DBN1: variants seen among roughly 807,000 people sequenced by gnomAD.
The protein encoded by DBN1 is drebrin.
In DBN1, 21 loss-of-function variants were observed where a neutral mutation model predicts 83.5. The observed-to-expected ratio is 0.25, with a 90% CI of 0.18 to 0.36. The LOEUF (loss-of-function observed/expected upper bound fraction) is 0.36, where lower values mean the gene tolerates loss of function less well. Ranked by LOEUF, DBN1 falls within the 10% of genes least tolerant of loss-of-function variation. The pLI is 1.00. For missense variants in DBN1, 874 were observed against 935.7 expected, an observed-to-expected ratio of 0.93 and a Z score of 0.86; for synonymous variants, 381 against 384.9, an observed-to-expected ratio of 0.99 and a Z score of 0.12.
At position 177,466,907 on chromosome 5, in the gene DBN1, T is replaced by A. The variant is rs766669583; in HGVS notation, c.707+4A>T. On this transcript the variant is annotated splice_donor_region_variant and intron_variant, in intron 7 of 14. Transcript: ENST00000393565. The surrounding 1 kb of genome is among the most constrained non-coding windows in gnomAD (Gnocchi z 4.8). ...CCTGGAGCGCTCCGGGCGGGCAGGC[T>A]CACCTGTGCTCCTCGATCTGCTGCT... 13 of 1,612,946 alleles carry A rather than the reference T, an allele frequency of 8.1e-6. No individual in the cohort carries two copies. Among genetic ancestry groups the A allele is most frequent in the Non-Finnish European group, 1.0e-5 (12 of 1,179,698 alleles).
At chr5:177,469,050 C>G (rs1464088829) in intron 1 of DBN1, 151 bp from the exon 2 acceptor site, 11 of 472,386 alleles carry the variant, frequency 2.3e-5, no homozygotes, top group Non-Finnish European at 4.1e-5. Flanking sequence ...GGCCAGGCAT[C>G]GGTTCAGGCG....
intron 8 of DBN1, chr5:177,462,551 A>G (rs1757127878): frequency 3.1e-6 from 1 of 317,738 alleles, no homozygotes; most frequent in East Asian, 1.7e-4. Context: ...GCAACGCAGG[A>G]TGAGGACCGG....
Position 177,468,181 on chromosome 5 carries a change from T to C in DBN1, c.182A>G (p.Gln61Arg), listed in dbSNP as rs747789546. 1.5e-5 allele frequency: 25 copies of C among 1,614,090 alleles called. No homozygotes were observed. Among genetic ancestry groups the C allele is most frequent in the Non-Finnish European group, 4.2e-6 (5 of 1,180,042 alleles). ...LQELSGHFEN[Q>R]KVMYGFCSVK... ...ACTGCAGAAGCCGTACATCACCTTC[T>C]GGTTCTCAAAGTGTCCCGAAAGCTC... The change falls in exon 3 of 15, where the codon CAG (glutamine) becomes CGG (arginine). Residue 61 changes from glutamine (Q) to arginine (R), a missense_variant. Gln to Arg is a conservative substitution (Grantham distance 43, BLOSUM62 1). Around this residue, in one of 4 missense-constraint regions of DBN1, gnomAD observed 82 missense variants for 101.7 expected, o/e 0.81. Coordinates refer to ENST00000393565, the MANE Select transcript of DBN1 (RefSeq NM_001363541.2).
intron 1 of DBN1, 103 bp downstream of exon 1, chr5:177,473,333 G>A (rs1757985877): frequency 7.7e-6 from 5 of 647,516 alleles, no homozygotes; most frequent in Non-Finnish European, 9.2e-6. Flanking sequence ...CCATTTCGGG[G>A]TCCCCCTCCC....
At position 177,459,686 on chromosome 5, in the gene DBN1, G is replaced by T; in HGVS notation, c.1010C>A (p.Ser337Tyr). 1 of 1,592,424 alleles carries T rather than the reference G, an allele frequency of 6.3e-7. No homozygotes were observed. Among genetic ancestry groups the T allele is most frequent in the East Asian group, 2.3e-5 (1 of 44,012 alleles). ...KASDSGPSSS[S>Y]SSSSSPPRTP... is the part of the protein sequence containing the mutation. ...CCGTGGAGGGGAGGAGGAGGAAGAG[G>T]AGGAGGAGGAAGGCCCACTGTCCGA... is the stretch of plus-strand genomic sequence containing the variant. The change falls in exon 11 of 15, where the codon TCC becomes TAC. Residue 337 changes from serine to tyrosine, a missense_variant. Coordinates refer to ENST00000393565, the MANE Select transcript of DBN1 (RefSeq NM_001363541.2).
At chr5:177,462,120 T>G in intron 8 of DBN1, 1 of 695,252 alleles carries the variant, frequency 1.4e-6, no homozygotes, top group Non-Finnish European at 1.8e-6. Context: ...GCACACGTTG[T>G]TTTGGGTGGG....
Position 177,459,117 on chromosome 5 carries a change from C to A in DBN1, c.1245G>T (p.Pro415=). 6.2e-7 allele frequency: 1 copy of A among 1,608,530 alleles called. No homozygotes were observed. The highest frequency in any genetic ancestry group is 8.5e-7 in the Non-Finnish European group (1 of 1,177,472). ...VTSSQPPPLP[P]PPPPAQETQE... The stretch of plus-strand genomic sequence containing the variant: ...TCTCACCTTGGGCTGGTGGGGGTGG[C>A]GGTGGCAGTGGTGGAGGCTGCGAGG... The change falls in exon 12 of 15, where the codon CCG becomes CCT. Residue 415 remains proline, a synonymous_variant. Coordinates refer to ENST00000393565, the MANE Select transcript of DBN1 (RefSeq NM_001363541.2).
At chr5:177,460,405 C>T (rs754045977) in intron 10 of DBN1, 27 bp downstream of exon 10, 22 of 1,612,374 alleles carry the variant, frequency 1.4e-5, no homozygotes, top group East Asian at 4.5e-5. Context: ...GGAGTGGGGC[C>T]GGACGGGGGG....
At position 177,473,534 on chromosome 5, in the gene DBN1, A is replaced by ACCGGG; in HGVS notation, c.-18_-14dup. On this transcript the variant is annotated 5_prime_UTR_variant, in exon 1 of 15. Coordinates refer to ENST00000393565, the MANE Select transcript of DBN1 (RefSeq NM_001363541.2). The stretch of plus-strand genomic sequence containing the variant: ...TGACGCCGGCCATGCTTCGGGCCGG[A>ACCGGG]CCGGGCCGAACGGACAGACGCGCGG... 7.5e-7 allele frequency: 1 copy of ACCGGG among 1,324,570 alleles called. No individual in the cohort carries two copies. Among genetic ancestry groups the ACCGGG allele is most frequent in the East Asian group, 3.6e-5 (1 of 27,974 alleles). 82.1% of individuals were successfully genotyped at this position (1,324,570 alleles called of 1,614,324 possible). A position where few individuals can be genotyped will look rare whatever the true frequency, so the allele number is the denominator to read the frequency against.
In DBN1 at chr5:177,459,145, G is replaced by A. The variant is rs1354432620; in HGVS notation, c.1217C>T (p.Thr406Ile). 4 of 1,611,442 alleles carry A rather than the reference G, an allele frequency of 2.5e-6. No homozygotes were observed. Among genetic ancestry groups the A allele is most frequent in the South Asian group, 1.1e-5 (1 of 90,960 alleles). ...TGGCAGTGGTGGAGGCTGCGAGGAG[G>A]TGACCTCATCCAGGGCCCGCTCTAT... ...EQIERALDEVTSSQPPPLPPP... is the reference protein window; with the variant it reads ...EQIERALDEVISSQPPPLPPP... The change falls in exon 12 of 15, where the codon ACC becomes ATC. Residue 406 changes from threonine to isoleucine, a missense_variant. By Grantham distance (89) the Thr-to-Ile change is moderately conservative (BLOSUM62 -1). Coordinates refer to ENST00000393565, the MANE Select transcript of DBN1 (RefSeq NM_001363541.2).
Position 177,473,569 on chromosome 5 carries a change from CGGACGGAGGA to C in DBN1, c.-58_-49del, listed in dbSNP as rs777733749. 3 of 1,125,080 alleles carry C rather than the reference CGGACGGAGGA, an allele frequency of 2.7e-6. No homozygotes were observed. Among genetic ancestry groups the C allele is most frequent in the Middle Eastern group, 2.9e-4 (1 of 3,508 alleles). The allele number at this position is 1,125,080 out of a possible 1,614,324, so 69.7% of individuals were successfully genotyped here. On this transcript the variant is annotated 5_prime_UTR_variant, in exon 1 of 15. Transcript: ENST00000393565. ...ACGGACAGACGCGCGGACGGACGGGCGGACGGAGGAGGAGGGAGGGAAAGAGGGAGTCGCC... is the reference window on the plus strand; with the variant it reads ...ACGGACAGACGCGCGGACGGACGGGCGGAGGGAGGGAAAGAGGGAGTCGCC...
rs772810512 is a variant in DBN1, at chr5:177,473,556, G to A, written c.-35C>T. 4.6e-6 allele frequency: 6 copies of A among 1,316,366 alleles called. No individual in the cohort carries two copies. Among genetic ancestry groups the A allele is most frequent in the Non-Finnish European group, 4.9e-6 (5 of 1,018,950 alleles). 81.5% of individuals were successfully genotyped at this position (1,316,366 alleles called of 1,614,324 possible). ...CGGACCGGGCCGAACGGACAGACGC[G>A]CGGACGGACGGGCGGACGGAGGAGG... On this transcript the variant is annotated 5_prime_UTR_variant, in exon 1 of 15. Coordinates refer to ENST00000393565, the MANE Select transcript of DBN1 (RefSeq NM_001363541.2).
At position 177,467,805 on chromosome 5, in the gene DBN1, C is replaced by G; in HGVS notation, c.268G>C (p.Val90Leu). Reference protein sequence around the residue: ...YVLINWVGEDVPDARKCACAS... With the variant: ...YVLINWVGEDLPDARKCACAS... Reference sequence around the variant, plus strand: ...CAAGCGCACTTGCGGGCATCAGGCACATCTTCGCCCACCTGCAAAGTACCC... The same window carrying G: ...CAAGCGCACTTGCGGGCATCAGGCAGATCTTCGCCCACCTGCAAAGTACCC... The change falls in exon 4 of 15, where the codon GTG becomes CTG. Residue 90 changes from valine (V) to leucine (L), a missense_variant. By Grantham distance (32) the Val-to-Leu change is conservative (BLOSUM62 1). Transcript: ENST00000393565. The surrounding 1 kb of genome is among the most constrained non-coding windows in gnomAD (Gnocchi z 9.1). 6.4e-7 allele frequency: 1 copy of G among 1,559,962 alleles called. No homozygotes were observed. The highest frequency in any genetic ancestry group is 1.2e-5 in the South Asian group (1 of 85,588).
chr5:177,472,735 T>C, intron 1 of DBN1: 1 of 970,742 alleles, frequency 1.0e-6, no homozygotes, highest in Non-Finnish European at 1.2e-6. Context: ...CCCAGCTGCC[T>C]AGTCCCCGCA....
Position 177,467,867 on chromosome 5 carries a change from T to C in DBN1, c.256-50A>G. ...GGTCAGGAAAGGACAAGGGGGGCCCTACACGATAGGGTGCATCTTCCCCGG... is the reference window on the plus strand; with the variant it reads ...GGTCAGGAAAGGACAAGGGGGGCCCCACACGATAGGGTGCATCTTCCCCGG... On this transcript the variant is annotated intron_variant, in intron 3 of 14. Transcript: ENST00000393565. The surrounding 1 kb of genome is among the most constrained non-coding windows in gnomAD (Gnocchi z 9.1). 6.3e-7 allele frequency: 1 copy of C among 1,580,510 alleles called. No homozygotes were observed. Among genetic ancestry groups the C allele is most frequent in the Middle Eastern group, 1.7e-4 (1 of 5,970 alleles).
intron 13 of DBN1, 52 bp from the exon 14 acceptor site, chr5:177,457,809 G>A (rs1756640572): frequency 8.0e-7 from 1 of 1,254,734 alleles, no homozygotes; most frequent in Admixed American, 1.8e-5. Flanking sequence ...GACTGGGGCT[G>A]ACCTATCAGG....
intron 8 of DBN1, among the ~76,000 whole-genome samples, chr5:177,465,991 ACAT>A (rs1757419001): frequency 6.6e-6 from 1 of 152,120 alleles, no homozygotes; most frequent in Non-Finnish European, 1.5e-5. Flanking sequence ...TACCAGCCAC[ACAT>A]CATCCCCACC....
At chr5:177,464,765 C>T (rs1326170589) in intron 8 of DBN1, among the ~76,000 whole-genome samples, 1 of 151,990 alleles carries the variant, frequency 6.6e-6, no homozygotes, top group Admixed American at 6.5e-5. Context: ...CATGGTGAAA[C>T]CCCATCTCTA....
rs746232233 is a variant in DBN1 at position 177,457,708 on chromosome 5, G to A, written c.1964C>T (p.Ser655Leu). The change falls in exon 14 of 15, where the codon TCG (serine) becomes TTG (leucine). Residue 655 changes from serine to leucine, a missense_variant. By Grantham distance (145) the Ser-to-Leu change is moderately radical (BLOSUM62 -2). Around this residue, in one of 4 missense-constraint regions of DBN1, gnomAD observed 725 missense variants for 719.7 expected, o/e 1.01. Coordinates refer to ENST00000393565, the MANE Select transcript of DBN1 (RefSeq NM_001363541.2). ...SQSQEEEFAQ[S>L]EELCAKAPPP... is the part of the protein sequence containing the mutation. ...CGGAGCCTTGGCACAGAGCTCTTCC[G>A]ATTGGGCAAACTCCTCCTCCTGTGA... The A allele has an allele frequency of 3.7e-6, 6 of 1,612,628 alleles. No homozygotes were observed. The African/African-American group carries it at 5.3e-5, about 14-fold the overall frequency.
Sources: allele counts gnomAD v4.1 joint callset (sites outside exome capture counted in the v4.1 genomes callset), GRCh38; gene constraint gnomAD v4.1.1; regional missense constraint gnomAD v4.1.1; non-coding constraint Gnocchi (gnomAD v3.1); transcripts MANE v1.5; gene names NCBI Gene and HGNC (gene_info 2026-07-23, HGNC 2026-07-21).